Variants in CDC14A observed in about 807,000 individuals in gnomAD.
CDC14A encodes the protein cell division cycle 14A, also known as dual specificity protein phosphatase CDC14A.
Under a neutral mutation model 74.4 loss-of-function variants are expected in CDC14A, and 53 were observed. The ratio of observed to expected loss-of-function variants is 0.71; its 90% confidence interval spans 0.57 to 0.89. The LOEUF (loss-of-function observed/expected upper bound fraction) is 0.89, where lower values mean the gene tolerates loss of function less well. Ranked by LOEUF, CDC14A falls within the 40% of genes least tolerant of loss-of-function variation. The pLI is 0.00. For synonymous variants in CDC14A, 247 were observed against 258.4 expected (o/e 0.96, Z 0.43); for missense variants, 646 against 713.7 (o/e 0.91, Z 1.08).
intron 15 of CDC14A, among the ~76,000 whole-genome samples, chr1:100,515,720 A>G (rs985934732): frequency 9.2e-5 from 14 of 152,230 alleles, no homozygotes; most frequent in Non-Finnish European, 8.8e-5. Context: ...TTTTAGATTG[A>G]AAATGAAAGG....
Position 100,506,244 on chromosome 1 carries a change from A to G in CDC14A, c.1755+6982A>G, listed in dbSNP as rs529177813. Among the ~76,000 whole-genome samples the G allele has an allele frequency of 2.0e-5, 3 of 152,270 alleles. No individual in the cohort carries two copies. The South Asian group carries it at 6.2e-4, about 32-fold the overall frequency. On this transcript the variant is annotated intron_variant, in intron 15 of 15. Coordinates refer to ENST00000336454, the MANE Select transcript of CDC14A (RefSeq NM_003672.4). The stretch of plus-strand genomic sequence containing the variant: ...TTACAGTTAAAGGTACTAGCTTTCT[A>G]TCCTCTTGTTGTATATTTATGTTGC...
At chr1:100,482,224 C>G (rs1557809518) in intron 10 of CDC14A, among the ~76,000 whole-genome samples, 1 of 152,014 alleles carries the variant, frequency 6.6e-6, no homozygotes, top group East Asian at 1.9e-4. Flanking sequence ...CCTCTTATGT[C>G]CTTCTCCTCT....
chr1:100,422,147 G>A (rs1279343117), intron 4 of CDC14A, among the ~76,000 whole-genome samples: 3 of 152,152 alleles, frequency 2.0e-5, no homozygotes, highest in Non-Finnish European at 4.4e-5. Context: ...TAAAAACAAA[G>A]GGTCTCATCT....
intron 15 of CDC14A, among the ~76,000 whole-genome samples, chr1:100,507,481 G>A (rs183856853): frequency 0.017 from 2,497 of 144,828 alleles, 63 homozygotes; most frequent in African/African-American, 0.061. Flanking sequence ...TTTTTTTTTT[G>A]TAGAGAGAGT....
Position 100,394,362 on chromosome 1 carries a change from C to T in CDC14A, c.309+3538C>T, listed in dbSNP as rs954206199. Among the ~76,000 whole-genome samples the T allele has an allele frequency of 6.6e-5, 10 of 152,214 alleles. No individual in the cohort carries two copies. In the East Asian group the frequency reaches 1.2e-3, roughly 18 times the overall value. On this transcript the variant is annotated intron_variant, in intron 4 of 15. Coordinates refer to ENST00000336454, the MANE Select transcript of CDC14A (RefSeq NM_003672.4). The stretch of plus-strand genomic sequence containing the variant: ...AGGACTCCTGGCCTCAAGTGATCCC[C>T]CTGCTCTGGCCTCCCAAAGTGCTGG...
At chr1:100,369,249 C>T (rs1002231635) in intron 2 of CDC14A, among the ~76,000 whole-genome samples, 17 of 152,114 alleles carry the variant, frequency 1.1e-4, no homozygotes, top group African/African-American at 3.9e-4. Flanking sequence ...GCTGTGACTA[C>T]AGGCATGTGC....
chr1:100,465,974 A>G (rs966382394), intron 9 of CDC14A, among the ~76,000 whole-genome samples: 2 of 152,246 alleles, frequency 1.3e-5, no homozygotes, highest in African/African-American at 4.8e-5. Flanking sequence ...GTTTTTATAG[A>G]AACTTAGTGA....
chr1:100,358,008 T>G (rs540651477), intron 2 of CDC14A, among the ~76,000 whole-genome samples: 4 of 152,282 alleles, frequency 2.6e-5, no homozygotes, highest in East Asian at 1.9e-4. Flanking sequence ...AACGTTTGAA[T>G]TATCTGCTTG....
intron 2 of CDC14A, among the ~76,000 whole-genome samples, chr1:100,360,646 A>G (rs2100895520): frequency 6.6e-6 from 1 of 152,210 alleles, no homozygotes; most frequent in East Asian, 1.9e-4. Context: ...TGCCTGGCCC[A>G]CAGTTCTTAA....
At chr1:100,458,886 T>G (rs1666996042) in intron 8 of CDC14A, among the ~76,000 whole-genome samples, 1 of 152,116 alleles carries the variant, frequency 6.6e-6, no homozygotes, top group African/African-American at 2.4e-5. Context: ...TTTGTGTCAA[T>G]AGGGAACACT....
In CDC14A at chr1:100,481,665, A is replaced by G. The variant is rs559962396; in HGVS notation, c.978-2627A>G. On this transcript the variant is annotated intron_variant, in intron 10 of 15. Transcript: ENST00000336454. ...GGACATGGCTGAAAACAAGGACCCC[A>G]GCACTGGCTATACTTCTTAAGGCTC... 9.8e-5 allele frequency among the ~76,000 whole-genome samples: 15 copies of G among 152,324 alleles called. No homozygotes were observed. In the East Asian group the frequency reaches 2.7e-3, roughly 27 times the overall value.
chr1:100,403,208 A>G (rs1029614128), intron 4 of CDC14A, among the ~76,000 whole-genome samples: 11 of 152,232 alleles, frequency 7.2e-5, no homozygotes, highest in Non-Finnish European at 1.3e-4. Flanking sequence ...ACACATACAC[A>G]CACGCCATTC....
At chr1:100,419,449 C>T (rs1244659267) in intron 4 of CDC14A, among the ~76,000 whole-genome samples, 7 of 152,234 alleles carry the variant, frequency 4.6e-5, no homozygotes, top group Non-Finnish European at 1.0e-4. Flanking sequence ...CTTCTTATAT[C>T]TGCCCACCCC....
chr1:100,382,733 T>C (rs1656315726), intron 3 of CDC14A, among the ~76,000 whole-genome samples: 1 of 152,052 alleles, frequency 6.6e-6, no homozygotes, highest in African/African-American at 2.4e-5. Flanking sequence ...ATTAAAGGAG[T>C]ATTCACAGAA....
chr1:100,353,230 G>A (rs2100870933), intron 1 of CDC14A, among the ~76,000 whole-genome samples: 1 of 152,324 alleles, frequency 6.6e-6, no homozygotes, highest in South Asian at 2.1e-4. Context: ...TCTCGGCCTC[G>A]TAATGGGACA....
At chr1:100,456,372 A>G (rs559436633) in intron 8 of CDC14A, among the ~76,000 whole-genome samples, 51 of 152,240 alleles carry the variant, frequency 3.3e-4, no homozygotes, top group Non-Finnish European at 7.1e-4. Flanking sequence ...ACAGAGGTTC[A>G]AGAATAATTT....
At chr1:100,404,291 A>C (rs912391066) in intron 4 of CDC14A, among the ~76,000 whole-genome samples, 1 of 152,134 alleles carries the variant, frequency 6.6e-6, no homozygotes. Context: ...CATGCTAAAA[A>C]ACAGACTGTG....
At chr1:100,498,352 T>C in intron 14 of CDC14A, 145 bp downstream of exon 14, 1 of 888,946 alleles carries the variant, frequency 1.1e-6, no homozygotes, top group Non-Finnish European at 1.8e-6. Context: ...TTCTGGGGCT[T>C]CCGTTCCTGT....
intron 4 of CDC14A, among the ~76,000 whole-genome samples, chr1:100,404,230 T>G (rs1659639942): frequency 6.6e-6 from 1 of 151,462 alleles, no homozygotes; most frequent in Non-Finnish European, 1.5e-5. Flanking sequence ...CTGTTGAGTT[T>G]GCTGTGTGTT....
Sources: gnomAD v4.1 joint callset for allele counts (sites outside exome capture counted in the v4.1 genomes callset) on GRCh38, gnomAD v4.1.1 for gene constraint, MANE v1.5 for transcripts, NCBI Gene and HGNC (gene_info 2026-07-23, HGNC 2026-07-21) for gene names.